Variants in ZNF875 observed in about 807,000 individuals in gnomAD.
ZNF875 encodes the protein zinc finger protein 875.
A neutral mutation model predicts 11.2 loss-of-function variants in ZNF875; 14 were observed. The ratio of observed to expected loss-of-function variants is 1.26; its 90% confidence interval spans 0.83 to 1.96. The LOEUF is 1.96. ZNF875 is among the 30% of genes most tolerant of loss of function. The probability of loss-of-function intolerance (pLI) is 0.00; values close to 1 mark genes in which losing one functional copy is unlikely to be tolerated. For missense variants in ZNF875, 752 were observed against 760.4 expected, an observed-to-expected ratio of 0.99 and a Z score of 0.13; for synonymous variants, 301 against 281.1, an observed-to-expected ratio of 1.07 and a Z score of -0.71.
At chr19:37,326,668 T>C (rs2032501761) in intron 4 of ZNF875, among the ~76,000 whole-genome samples, 1 of 142,214 alleles carries the variant, frequency 7.0e-6, no homozygotes, top group Admixed American at 7.0e-5. Flanking sequence ...AGAAAGCTTT[T>C]TTTTTTTTTT....
intron 2 of ZNF875, chr19:37,346,367 C>G (rs1161569379): frequency 1.3e-5 from 2 of 152,168 alleles, no homozygotes; most frequent in South Asian, 2.1e-4. Flanking sequence ...GGTTCCAAAT[C>G]CAGATAGTAT....
upstream of ZNF875, among the ~76,000 whole-genome samples, chr19:37,332,894 G>A (rs1458746298): frequency 2.6e-5 from 4 of 152,154 alleles, no homozygotes; most frequent in Admixed American, 6.5e-5. Context: ...ATAATGACAA[G>A]TGGTTCAGAT....
intron 2 of ZNF875, among the ~76,000 whole-genome samples, chr19:37,340,855 A>C (rs773936986): frequency 4.0e-4 from 61 of 151,866 alleles, no homozygotes; most frequent in Non-Finnish European, 7.2e-4. Flanking sequence ...TCACCTTGTC[A>C]GCCAGGATGG....
intron 2 of ZNF875, among the ~76,000 whole-genome samples, chr19:37,322,472 T>G (rs2031663390): frequency 6.6e-6 from 1 of 152,232 alleles, no homozygotes; most frequent in Admixed American, 6.5e-5. Flanking sequence ...CCGTAAGGGA[T>G]GTGGAAAGTG....
chr19:37,347,663 T>C (rs990669772), intron 3 of ZNF875, 114 bp from the exon 4 acceptor site: 6 of 688,332 alleles, frequency 8.7e-6, no homozygotes, highest in Non-Finnish European at 1.3e-5. Flanking sequence ...GAGAGAGAAC[T>C]ATTCATAGGT....
rs1436936747 is a variant in ZNF875, at chr19:37,348,017, A to T, written c.256+145A>T. The T allele has an allele frequency of 1.0e-5, 6 of 596,518 alleles. No homozygotes were observed. In the East Asian group the frequency reaches 1.4e-4, roughly 14 times the overall value. 37.0% of individuals were successfully genotyped at this position (596,518 alleles called of 1,614,324 possible). Reference sequence around the variant, plus strand: ...TGCCTGACATGGTCTTCTTTCCGGAACATAATCTTCAGTTGAGGGAGGGAC... The same window carrying T: ...TGCCTGACATGGTCTTCTTTCCGGATCATAATCTTCAGTTGAGGGAGGGAC... On this transcript the variant is annotated intron_variant, in intron 4 of 4. Transcript: ENST00000392153.
intron 4 of ZNF875, among the ~76,000 whole-genome samples, chr19:37,325,361 C>T (rs1456938446): frequency 2.6e-5 from 4 of 152,104 alleles, no homozygotes; most frequent in African/African-American, 9.7e-5. Flanking sequence ...CATTTCTCTC[C>T]AGAGCAGTGC....
At chr19:37,331,521 C>T (rs931048379), upstream of ZNF875, among the ~76,000 whole-genome samples, 4 of 150,046 alleles carry the variant, frequency 2.7e-5, no homozygotes, top group Non-Finnish European at 5.9e-5. Flanking sequence ...TATAACCTTA[C>T]CCCCAACCCC....
At chr19:37,334,619 C>T, upstream of ZNF875, 2 of 453,152 alleles carry the variant, frequency 4.4e-6, no homozygotes, top group South Asian at 1.6e-5. Context: ...CCCTCCCTAC[C>T]CTTCAGTGTG....
intron 2 of ZNF875, 111 bp downstream of exon 2, chr19:37,335,368 G>C (rs1487219700): frequency 1.2e-5 from 7 of 589,532 alleles, no homozygotes; most frequent in Non-Finnish European, 2.2e-5. Flanking sequence ...CCTAGCCCTA[G>C]TCATTCCTAG....
intron 2 of ZNF875, among the ~76,000 whole-genome samples, chr19:37,345,337 AT>A (rs11303307): frequency 0.022 from 3,367 of 152,290 alleles, 137 homozygotes; most frequent in African/African-American, 0.076. Flanking sequence ...AGCTATCGAT[AT>A]AACTGAGTGT....
chr19:37,318,667 G>A (rs529243713), intron 1 of ZNF875, among the ~76,000 whole-genome samples: 1 of 151,292 alleles, frequency 6.6e-6, no homozygotes, highest in East Asian at 2.0e-4. Flanking sequence ...GACTACAGGC[G>A]CCCGCCACCA....
At chr19:37,341,209 A>G (rs549598909) in intron 2 of ZNF875, among the ~76,000 whole-genome samples, 1 of 152,358 alleles carries the variant, frequency 6.6e-6, no homozygotes, top group South Asian at 2.1e-4. Flanking sequence ...CTATCAGTGT[A>G]TCAGCCTTTG....
chr19:37,354,148 C>G (rs1460784146), intron 4 of ZNF875, among the ~76,000 whole-genome samples: 1 of 151,112 alleles, frequency 6.6e-6, no homozygotes, highest in East Asian at 1.9e-4. Flanking sequence ...TTCAAATTCA[C>G]TAATCTTTCT....
upstream of ZNF875, among the ~76,000 whole-genome samples, chr19:37,334,085 C>G (rs1021716602): frequency 6.6e-6 from 1 of 152,180 alleles, no homozygotes; most frequent in African/African-American, 2.4e-5. Flanking sequence ...GGACACGCGA[C>G]CAGTCTCCCC....
At position 37,362,897 on chromosome 19, in the gene ZNF875, C is replaced by G. The variant is rs2040197176; in HGVS notation, c.1045C>G (p.Leu349Val). ...VCKECGQSFS[L>V]KSNLITHQRA... is the part of the protein sequence containing the mutation. ...CAAGGAATGTGGGCAGAGCTTTAGCCTGAAGTCAAACCTCATTACCCACCA... is the reference window on the plus strand; with the variant it reads ...CAAGGAATGTGGGCAGAGCTTTAGCGTGAAGTCAAACCTCATTACCCACCA... The change falls in exon 5 of 5, where the codon CTG becomes GTG. Residue 349 changes from leucine to valine, a missense_variant. Transcript: ENST00000392153. The G allele has an allele frequency of 3.7e-6, 6 of 1,613,388 alleles. No individual in the cohort carries two copies. The highest frequency in any genetic ancestry group is 5.1e-6 in the Non-Finnish European group (6 of 1,179,860).
Position 37,363,389 on chromosome 19 carries a change from C to T in ZNF875, c.1537C>T (p.Arg513Ter), listed in dbSNP as rs754327590. The T allele has an allele frequency of 2.1e-5, 34 of 1,613,430 alleles. No homozygotes were observed. Among genetic ancestry groups the T allele is most frequent in the Non-Finnish European group, 2.5e-5 (29 of 1,179,832 alleles). The change falls in exon 5 of 5, where the codon CGA becomes TGA. Residue 513 changes from arginine (R) to a stop codon, truncating the protein, a stop_gained. Transcript: ENST00000392153. LOFTEE classifies it low-confidence loss of function (END_TRUNC). ...GCCATTTGTATGTGCTGAGTGTGGA[C>T]GAGGCTTTAATGATAAGTCCACCCT... ...EKPFVCAECG[R>*]GFNDKSTLIS... is the part of the protein sequence containing the mutation.
At chr19:37,336,461 G>A (rs1191581146) in intron 2 of ZNF875, among the ~76,000 whole-genome samples, 3 of 151,060 alleles carry the variant, frequency 2.0e-5, no homozygotes, top group Non-Finnish European at 4.4e-5. Context: ...CACCATGCCA[G>A]GCTAATTTTT....
chr19:37,319,972 C>T (rs1268620072), intron 1 of ZNF875, among the ~76,000 whole-genome samples: 4 of 152,130 alleles, frequency 2.6e-5, no homozygotes, highest in African/African-American at 7.2e-5. Context: ...CTGCAAGCTC[C>T]GCCTCCTGGG....
Sources: gnomAD v4.1 joint callset for allele counts (sites outside exome capture counted in the v4.1 genomes callset) on GRCh38, gnomAD v4.1.1 for gene constraint, MANE v1.5 for transcripts, NCBI Gene and HGNC (gene_info 2026-07-23, HGNC 2026-07-21) for gene names.